The following APP variants were observed in gnomAD, a reference collection of about 807,000 sequenced individuals.
APP encodes amyloid-beta precursor protein.
A neutral mutation model predicts 101.4 loss-of-function variants in APP; 31 were observed. The ratio of observed to expected loss-of-function variants is 0.31; its 90% CI spans 0.23 to 0.41. APP has a LOEUF of 0.41. APP is among the 10% of genes least tolerant of loss of function. The pLI is 1.00. For missense variants in APP, 839 were observed against 1,003.7 expected, an observed-to-expected ratio of 0.84 and a Z score of 2.22; for synonymous variants, 366 against 364.4, an observed-to-expected ratio of 1.00 and a Z score of -0.05.
intron 1 of APP, among the ~76,000 whole-genome samples, chr21:26,124,258 T>TA (rs2062636933): frequency 6.6e-6 from 1 of 151,972 alleles, no homozygotes; most frequent in South Asian, 2.1e-4. Flanking sequence ...ACCAGGAGAG[T>TA]AATTTCCTAA....
intron 8 of APP, among the ~76,000 whole-genome samples, chr21:25,985,173 C>G (rs953219327): frequency 1.3e-5 from 2 of 152,054 alleles, no homozygotes; most frequent in African/African-American, 2.4e-5. Context: ...AGGATAAAAA[C>G]CTTCTTTTTA....
chr21:25,979,110 T>C (rs1365949655), intron 9 of APP, among the ~76,000 whole-genome samples: 1 of 152,084 alleles, frequency 6.6e-6, no homozygotes, highest in Non-Finnish European at 1.5e-5. Context: ...AGTCACGACA[T>C]ATAGCAACAA....
At position 26,046,653 on chromosome 21, in the gene APP, T is replaced by TAA. The variant is rs565265229; in HGVS notation, c.662+4345_662+4346dup. 2.0e-4 allele frequency among the ~76,000 whole-genome samples: 31 copies of TAA among 152,264 alleles called. No individual in the cohort carries two copies. The East Asian group carries it at 5.6e-3, about 27-fold the overall frequency. On this transcript the variant is annotated intron_variant, in intron 5 of 17. Coordinates refer to ENST00000346798, the MANE Select transcript of APP (RefSeq NM_000484.4). The stretch of plus-strand genomic sequence containing the variant: ...AAACCTAAAAGAATACATCGATAAT[T>TAA]AAAGATTGTTTCTTAAAAAAAATGT...
intron 3 of APP, among the ~76,000 whole-genome samples, chr21:26,065,169 T>G (rs2046411240): frequency 6.6e-6 from 1 of 152,132 alleles, no homozygotes; most frequent in Non-Finnish European, 1.5e-5. Context: ...CCGGATTTCT[T>G]AACTCAGAAC....
chr21:26,140,095 G>T, intron 1 of APP: 1 of 1,254,672 alleles, frequency 8.0e-7, no homozygotes, highest in Non-Finnish European at 1.1e-6. Context: ...TGAGAACAGA[G>T]TTTCATCTTA....
intron 11 of APP, 31 bp from the exon 12 acceptor site, chr21:25,955,786 A>C: frequency 6.2e-7 from 1 of 1,613,784 alleles, no homozygotes; most frequent in Non-Finnish European, 8.5e-7. Flanking sequence ...ACTCTTTTTC[A>C]AGTTTGTGCA....
intron 6 of APP, among the ~76,000 whole-genome samples, chr21:26,002,747 T>A (rs552921276): frequency 6.6e-6 from 1 of 152,178 alleles, no homozygotes; most frequent in Non-Finnish European, 1.5e-5. Flanking sequence ...CCTTGGCAAT[T>A]TATGCTGACC....
intron 11 of APP, among the ~76,000 whole-genome samples, chr21:25,958,338 G>A (rs1224972650): frequency 1.3e-5 from 2 of 152,148 alleles, no homozygotes; most frequent in African/African-American, 4.8e-5. Flanking sequence ...GTGCAGTGGC[G>A]TGATCTTGGC....
intron 3 of APP, among the ~76,000 whole-genome samples, chr21:26,076,345 A>C (rs2061497166): frequency 6.7e-6 from 1 of 149,188 alleles, no homozygotes; most frequent in South Asian, 2.2e-4. Context: ...ACAACCCCTC[A>C]TATGACTTAC....
At chr21:26,054,258 A>AGTATGCCACGTT (rs1157204547) in intron 3 of APP, among the ~76,000 whole-genome samples, 3 of 152,216 alleles carry the variant, frequency 2.0e-5, no homozygotes, top group Non-Finnish European at 2.9e-5. Flanking sequence ...GGTGAGAAGT[A>AGTATGCCACGTT]GTATGCCACA....
At chr21:25,932,681 G>C (rs2040199050) in intron 13 of APP, among the ~76,000 whole-genome samples, 1 of 151,528 alleles carries the variant, frequency 6.6e-6, no homozygotes, top group African/African-American at 2.4e-5. Context: ...TTTCATCTCA[G>C]CACAGTTAGC....
chr21:25,915,275 C>G (rs529213768), intron 13 of APP, among the ~76,000 whole-genome samples: 15 of 152,224 alleles, frequency 9.9e-5, no homozygotes, highest in Non-Finnish European at 1.9e-4. Flanking sequence ...CTCTGCTCAT[C>G]TACGTTATTT....
chr21:25,975,707 A>G (rs754807792), intron 10 of APP, among the ~76,000 whole-genome samples: 7 of 152,240 alleles, frequency 4.6e-5, no homozygotes, highest in Non-Finnish European at 1.0e-4. Context: ...TGTATTATTA[A>G]TAAAAAGTAG....
chr21:25,932,211 C>A (rs2040178446), intron 13 of APP, among the ~76,000 whole-genome samples: 1 of 152,114 alleles, frequency 6.6e-6, no homozygotes, highest in African/African-American at 2.4e-5. Context: ...TAATAAAATG[C>A]AACTTCATCT....
intron 6 of APP, 40 bp downstream of exon 6, chr21:26,021,800 T>C (rs757185764): frequency 6.2e-7 from 1 of 1,607,448 alleles, no homozygotes; most frequent in Non-Finnish European, 8.5e-7. Context: ...CGCTTTCTTT[T>C]CCTTGGGGGT....
At chr21:26,000,797 T>C (rs1308373869) in intron 6 of APP, among the ~76,000 whole-genome samples, 1 of 151,994 alleles carries the variant, frequency 6.6e-6, no homozygotes, top group African/African-American at 2.4e-5. Context: ...TATGTACTAA[T>C]ATAAATGGTC....
chr21:25,999,427 C>A (rs2242691), intron 7 of APP, among the ~76,000 whole-genome samples: 2 of 152,166 alleles, frequency 1.3e-5, no homozygotes, highest in African/African-American at 2.4e-5. Context: ...GTGTGCTGAG[C>A]TCGGAGGGGG....
chr21:26,134,851 A>G (rs1048718828), intron 1 of APP, among the ~76,000 whole-genome samples: 3 of 152,224 alleles, frequency 2.0e-5, no homozygotes, highest in African/African-American at 4.8e-5. Context: ...GGAAACATAT[A>G]CATCAGGAAG....
intron 1 of APP, chr21:26,140,357 A>C: frequency 6.7e-7 from 1 of 1,499,840 alleles, no homozygotes; most frequent in South Asian, 1.3e-5. Context: ...ACACTAACCC[A>C]ACTTCTACCA....
Sources: gnomAD v4.1 joint callset for allele counts (sites outside exome capture counted in the v4.1 genomes callset) on GRCh38, gnomAD v4.1.1 for gene constraint, MANE v1.5 for transcripts, NCBI Gene and HGNC (gene_info 2026-07-23, HGNC 2026-07-21) for gene names.